SLC35F1: variants seen among roughly 807,000 people sequenced by gnomAD.
The protein encoded by SLC35F1 is chromosome 6 open reading frame 169.
SLC35F1 carries 14 observed loss-of-function variants against 48.7 expected under a neutral mutation model. The observed-to-expected ratio is 0.29, with a 90% CI of 0.19 to 0.45. The LOEUF (loss-of-function observed/expected upper bound fraction) is 0.45, where lower values mean the gene tolerates loss of function less well. Ranked by LOEUF, SLC35F1 falls within the 20% of genes least tolerant of loss-of-function variation. SLC35F1 has a pLI of 1.00. For missense variants in SLC35F1, 404 were observed against 500.0 expected, an observed-to-expected ratio of 0.81 and a Z score of 1.83; for synonymous variants, 190 against 202.2, an observed-to-expected ratio of 0.94 and a Z score of 0.51.
intron 1 of SLC35F1, among the ~76,000 whole-genome samples, chr6:118,145,473 A>G (rs1773957852): frequency 6.6e-6 from 1 of 152,202 alleles, no homozygotes; most frequent in South Asian, 2.1e-4. Flanking sequence ...AATATACTGT[A>G]AGTAAGTAAC....
intron 1 of SLC35F1, among the ~76,000 whole-genome samples, chr6:118,116,910 G>A (rs572633430): frequency 6.6e-5 from 10 of 152,236 alleles, no homozygotes; most frequent in East Asian, 5.8e-4. Flanking sequence ...AGCCAATGCC[G>A]AGATAACATC....
At chr6:118,004,709 A>G (rs1777150917) in intron 1 of SLC35F1, among the ~76,000 whole-genome samples, 1 of 152,090 alleles carries the variant, frequency 6.6e-6, no homozygotes, top group Non-Finnish European at 1.5e-5. Flanking sequence ...CTACAGGTCC[A>G]TGCCACCAAG....
chr6:118,249,034 G>T (rs560445515), intron 3 of SLC35F1, among the ~76,000 whole-genome samples: 1 of 152,304 alleles, frequency 6.6e-6, no homozygotes, highest in South Asian at 2.1e-4. Flanking sequence ...CTATGAACCA[G>T]GGCGTGGGCC....
intron 1 of SLC35F1, among the ~76,000 whole-genome samples, chr6:117,991,765 T>A (rs1582604312): frequency 1.3e-5 from 2 of 152,338 alleles, no homozygotes. Context: ...TAACAAGGAA[T>A]AAAAAACTTG....
intron 1 of SLC35F1, among the ~76,000 whole-genome samples, chr6:118,101,291 AAGG>A (rs1773255078): frequency 6.6e-6 from 1 of 152,198 alleles, no homozygotes; most frequent in African/African-American, 2.4e-5. Flanking sequence ...AGTAATTTAC[AAGG>A]AGTTCACAGG....
At chr6:117,955,632 C>A (rs563837124) in intron 1 of SLC35F1, among the ~76,000 whole-genome samples, 4 of 152,244 alleles carry the variant, frequency 2.6e-5, no homozygotes, top group African/African-American at 9.6e-5. Context: ...CACCACTTCA[C>A]CAGAGACCCA....
In SLC35F1 at chr6:118,084,521, T is replaced by G. The variant is rs553256939; in HGVS notation, c.174-69924T>G. ...TACAGAATAATTTCAACACATTATTTGCCTACAAATGCTTTACCTTCTAGT... is the reference window on the plus strand; with the variant it reads ...TACAGAATAATTTCAACACATTATTGGCCTACAAATGCTTTACCTTCTAGT... On this transcript the variant is annotated intron_variant, in intron 1 of 7. Transcript: ENST00000360388. 5.3e-5 allele frequency among the ~76,000 whole-genome samples: 8 copies of G among 152,282 alleles called. No individual in the cohort carries two copies. In the East Asian group the frequency reaches 1.5e-3, roughly 29 times the overall value.
At chr6:118,223,516 AC>A (rs1212389017) in intron 2 of SLC35F1, among the ~76,000 whole-genome samples, 1 of 152,152 alleles carries the variant, frequency 6.6e-6, no homozygotes, top group Non-Finnish European at 1.5e-5. Flanking sequence ...CATGCTCTTA[AC>A]CTTGAGTATA....
chr6:118,020,216 A>G (rs969001601), intron 1 of SLC35F1, among the ~76,000 whole-genome samples: 1 of 152,208 alleles, frequency 6.6e-6, no homozygotes, highest in African/African-American at 2.4e-5. Flanking sequence ...CTGAAGATTC[A>G]ATGAAAACAG....
At chr6:118,201,441 C>T (rs1774872472) in intron 2 of SLC35F1, among the ~76,000 whole-genome samples, 1 of 152,166 alleles carries the variant, frequency 6.6e-6, no homozygotes, top group African/African-American at 2.4e-5. Context: ...ATAGAAACCA[C>T]AAACATTTAG....
chr6:118,061,584 G>GTATATATATATA (rs1358869588), intron 1 of SLC35F1, among the ~76,000 whole-genome samples: 7 of 87,424 alleles, frequency 8.0e-5, no homozygotes, highest in African/African-American at 2.6e-4. Flanking sequence ...GTGTGTGTGT[G>GTATATATATATA]TGTGTGTATA....
chr6:118,160,279 T>G (rs576519303), intron 2 of SLC35F1, among the ~76,000 whole-genome samples: 16 of 152,354 alleles, frequency 1.1e-4, no homozygotes, highest in Middle Eastern at 6.8e-3. Flanking sequence ...AAGTTTTGCT[T>G]TTTCATTGAA....
intron 1 of SLC35F1, among the ~76,000 whole-genome samples, chr6:117,935,190 A>G (rs968653788): frequency 6.6e-6 from 1 of 152,202 alleles, no homozygotes; most frequent in Non-Finnish European, 1.5e-5. Context: ...AAACCTATCT[A>G]TCTTTTCCAT....
intron 2 of SLC35F1, among the ~76,000 whole-genome samples, chr6:118,168,946 G>GACTGT (rs1774359579): frequency 6.6e-6 from 1 of 152,178 alleles, no homozygotes; most frequent in South Asian, 2.1e-4. Flanking sequence ...AACTCACTGG[G>GACTGT]ACTGTTAGCA....
intron 2 of SLC35F1, among the ~76,000 whole-genome samples, chr6:118,195,307 A>G (rs943642584): frequency 4.6e-5 from 7 of 152,182 alleles, no homozygotes; most frequent in African/African-American, 1.7e-4. Context: ...ATTTTTAAAT[A>G]CACTTCAATG....
intron 4 of SLC35F1, 126 bp downstream of exon 4, chr6:118,267,280 GTT>G (rs1775785781): frequency 1.0e-5 from 11 of 1,059,558 alleles, no homozygotes; most frequent in Non-Finnish European, 1.3e-5. Context: ...TCTGTGTCCT[GTT>G]CATGTCTGTT....
intron 7 of SLC35F1, among the ~76,000 whole-genome samples, chr6:118,290,309 C>T (rs992200872): frequency 6.6e-6 from 1 of 151,566 alleles, no homozygotes; most frequent in Non-Finnish European, 1.5e-5. Context: ...ATTCTACTGA[C>T]CAAACAAGAG....
chr6:118,049,038 A>G (rs1772343588), intron 1 of SLC35F1, among the ~76,000 whole-genome samples: 1 of 152,276 alleles, frequency 6.6e-6, no homozygotes, highest in Admixed American at 6.5e-5. Flanking sequence ...GGAACAGAAC[A>G]GAGCCCTCAG....
chr6:117,993,924 T>C (rs1400438649), intron 1 of SLC35F1, among the ~76,000 whole-genome samples: 1 of 152,150 alleles, frequency 6.6e-6, no homozygotes, highest in African/African-American at 2.4e-5. Flanking sequence ...CTTGAAACAA[T>C]GCAAATTTGT....
Sources: gnomAD v4.1 joint callset for allele counts (sites outside exome capture counted in the v4.1 genomes callset) on GRCh38, gnomAD v4.1.1 for gene constraint, MANE v1.5 for transcripts, NCBI Gene and HGNC (gene_info 2026-07-23, HGNC 2026-07-21) for gene names.